AHI1: variants seen among roughly 807,000 people sequenced by gnomAD.
The protein encoded by AHI1 is Abelson helper integration site 1.
A neutral mutation model predicts 149.3 loss-of-function variants in AHI1; 123 were observed. That is an observed-to-expected ratio of 0.82 (90% confidence interval 0.71 to 0.96). The LOEUF is 0.96. Among genes scored for constraint, AHI1 ranks in the 40% least tolerant of loss-of-function variants. AHI1 has a pLI of 0.00. For missense variants in AHI1, 1,439 were observed against 1,422.7 expected, an observed-to-expected ratio of 1.01 and a Z score of -0.18; for synonymous variants, 475 against 459.8, an observed-to-expected ratio of 1.03 and a Z score of -0.42.
intron 24 of AHI1, among the ~76,000 whole-genome samples, chr6:135,348,443 T>C (rs1440993703): frequency 6.6e-6 from 1 of 152,192 alleles, no homozygotes; most frequent in East Asian, 1.9e-4. Context: ...TAAAGGAAAA[T>C]TTTAAGTAAC....
intron 24 of AHI1, among the ~76,000 whole-genome samples, chr6:135,338,724 T>G (rs539802699): frequency 2.0e-5 from 3 of 152,328 alleles, no homozygotes; most frequent in Admixed American, 2.0e-4. Flanking sequence ...TTCTCTATTC[T>G]TATCATCCCC....
intron 25 of AHI1, among the ~76,000 whole-genome samples, chr6:135,321,220 A>G (rs151269701): frequency 1.3e-5 from 2 of 152,270 alleles, no homozygotes; most frequent in East Asian, 3.9e-4. Flanking sequence ...CCGTGACTGC[A>G]TCACTGCACT....
At chr6:135,290,392 T>C (rs1205944083) in intron 28 of AHI1, 31 bp downstream of exon 28, 2 of 1,262,192 alleles carry the variant, frequency 1.6e-6, no homozygotes, top group African/African-American at 1.5e-5. Flanking sequence ...GTTGACAACA[T>C]AGCGCAACTT....
intron 5 of AHI1, among the ~76,000 whole-genome samples, chr6:135,475,547 G>A (rs1256392952): frequency 3.3e-5 from 5 of 152,206 alleles, no homozygotes; most frequent in African/African-American, 1.2e-4. Flanking sequence ...CTGAGCAGCT[G>A]AGGTCGGTGA....
At position 135,328,896 on chromosome 6, in the gene AHI1, T is replaced by C. The variant is rs573554732; in HGVS notation, c.3166-5572A>G. Among the ~76,000 whole-genome samples the C allele has an allele frequency of 1.3e-3, 204 of 152,268 alleles. 3 individuals are homozygous for C. The South Asian group carries it at 0.041, about 30-fold the overall frequency. Reference sequence around the variant, plus strand: ...TGATAAGAAAGCAAAACAGCCTTATTGCTGATATGGAAGTTTTAGTGGTCT... The same window carrying C: ...TGATAAGAAAGCAAAACAGCCTTATCGCTGATATGGAAGTTTTAGTGGTCT... On this transcript the variant is annotated intron_variant, in intron 24 of 28. Transcript: ENST00000265602.
intron 24 of AHI1, among the ~76,000 whole-genome samples, chr6:135,329,817 T>G (rs543232357): frequency 6.6e-6 from 1 of 152,220 alleles, no homozygotes; most frequent in Non-Finnish European, 1.5e-5. Context: ...TTGTGATTCA[T>G]AGGAGGACAT....
At position 135,429,881 on chromosome 6, in the gene AHI1, C is replaced by T. The variant is rs187245292; in HGVS notation, c.2492+1G>A. On this transcript the variant is annotated splice_donor_variant, in intron 18 of 28. Coordinates refer to ENST00000265602, the MANE Select transcript of AHI1 (RefSeq NM_001134831.2). LOFTEE classifies it high-confidence loss of function. ...TCCTGTCAACACTGAAATATACTTA[C>T]ATCCGGAGATCCATAATTCTCAAAG... is the stretch of plus-strand genomic sequence containing the variant. The T allele has an allele frequency of 6.0e-6, 9 of 1,503,306 alleles. No individual in the cohort carries two copies. Among genetic ancestry groups the T allele is most frequent in the South Asian group, 4.8e-5 (4 of 82,800 alleles). The allele number at this position is 1,503,306 out of a possible 1,614,324, so 93.1% of individuals were successfully genotyped here.
chr6:135,410,778 C>G (rs1781470912), intron 21 of AHI1, among the ~76,000 whole-genome samples: 1 of 152,182 alleles, frequency 6.6e-6, no homozygotes. Flanking sequence ...TTACTGAGAA[C>G]ACACTCTAAA....
chr6:135,496,642 A>C (rs778705455), intron 2 of AHI1, among the ~76,000 whole-genome samples: 11 of 152,236 alleles, frequency 7.2e-5, no homozygotes, highest in Non-Finnish European at 1.5e-4. Context: ...TTTATTTTAC[A>C]GACAACCTGA....
At chr6:135,467,487 A>G (rs767296503) in intron 6 of AHI1, 94 bp downstream of exon 6, 10 of 1,016,538 alleles carry the variant, frequency 9.8e-6, no homozygotes, top group Non-Finnish European at 1.5e-5. Context: ...TGAAAAACAG[A>G]ATGGACAAAA....
chr6:135,400,451 T>C (rs1779864773), intron 22 of AHI1, among the ~76,000 whole-genome samples: 1 of 151,746 alleles, frequency 6.6e-6, no homozygotes, highest in East Asian at 1.9e-4. Context: ...GGGTAGGTGA[T>C]GTAATACTTC....
At chr6:135,303,515 C>G (rs1164098809) in intron 26 of AHI1, among the ~76,000 whole-genome samples, 1 of 150,066 alleles carries the variant, frequency 6.7e-6, no homozygotes, top group Non-Finnish European at 1.5e-5. Context: ...GTCATTAACT[C>G]TGTGTGGCCT....
In AHI1 at chr6:135,285,330, G is replaced by A. The variant is rs1229423659; in HGVS notation, c.*315C>T. The A allele has an allele frequency of 2.3e-6, 1 of 429,634 alleles. No homozygotes were observed. Among genetic ancestry groups the A allele is most frequent in the Non-Finnish European group, 4.2e-6 (1 of 238,374 alleles). 26.6% of individuals were successfully genotyped at this position (429,634 alleles called of 1,614,324 possible). ...ACCTTTTATTCACATTTGCTGAGTA[G>A]CAATTACAGTGTTTTCTTCATTAGT... On this transcript the variant is annotated 3_prime_UTR_variant, in exon 29 of 29. Coordinates refer to ENST00000265602, the MANE Select transcript of AHI1 (RefSeq NM_001134831.2).
chr6:135,318,457 T>C, intron 26 of AHI1, 62 bp downstream of exon 26: 4 of 1,062,354 alleles, frequency 3.8e-6, no homozygotes, highest in Non-Finnish European at 4.2e-6. Context: ...TAAAGTAATA[T>C]TTTATCCAGA....
chr6:135,331,639 T>TTA (rs1788610866), intron 24 of AHI1, among the ~76,000 whole-genome samples: 1 of 152,210 alleles, frequency 6.6e-6, no homozygotes, highest in Admixed American at 6.5e-5. Context: ...TAGCTGTTCC[T>TTA]TACAGTTTTA....
Position 135,284,281 on chromosome 6 carries a change from A to G in AHI1, c.*1364T>C, listed in dbSNP as rs943567220. 2.6e-5 allele frequency: 4 copies of G among 152,196 alleles called. No homozygotes were observed. The highest frequency in any genetic ancestry group is 5.9e-5 in the Non-Finnish European group (4 of 68,022). 9.4% of individuals were successfully genotyped at this position (152,196 alleles called of 1,614,324 possible). On this transcript the variant is annotated 3_prime_UTR_variant, in exon 29 of 29. Coordinates refer to ENST00000265602, the MANE Select transcript of AHI1 (RefSeq NM_001134831.2). ...ATGCCTCTACATGTGCAGGGATAAG[A>G]GCCAAATATATTTTTATTAGAAGAT...
intron 26 of AHI1, chr6:135,300,780 T>A: frequency 9.0e-7 from 1 of 1,116,638 alleles, no homozygotes; most frequent in Non-Finnish European, 1.1e-6. Context: ...GTTCAAACAC[T>A]CATTTATAAG....
At chr6:135,404,155 G>A (rs1780416882) in intron 22 of AHI1, among the ~76,000 whole-genome samples, 2 of 152,058 alleles carry the variant, frequency 1.3e-5, no homozygotes, top group Admixed American at 1.3e-4. Flanking sequence ...TAAATGAATA[G>A]ACGTCTAATT....
At position 135,323,146 on chromosome 6, in the gene AHI1, G is replaced by A. The variant is rs1449156951; in HGVS notation, c.3328+16C>T. 1.3e-6 allele frequency: 2 copies of A among 1,592,470 alleles called. No homozygotes were observed. The highest frequency in any genetic ancestry group is 1.1e-5 in the South Asian group (1 of 87,060). ...TATACCATACTAGTAAACCAGGAAGGGAGCATAAAACTTACTTTCACTAGC... is the reference window on the plus strand; with the variant it reads ...TATACCATACTAGTAAACCAGGAAGAGAGCATAAAACTTACTTTCACTAGC... On this transcript the variant is annotated intron_variant, in intron 25 of 28. Transcript: ENST00000265602.
Sources: allele counts gnomAD v4.1 joint callset (sites outside exome capture counted in the v4.1 genomes callset), GRCh38; gene constraint gnomAD v4.1.1; transcripts MANE v1.5; gene names NCBI Gene and HGNC (gene_info 2026-07-23, HGNC 2026-07-21).